The following CSMD1 variants were observed in gnomAD, a reference collection of about 807,000 sequenced individuals.
CSMD1 encodes CUB and Sushi multiple domains 1.
In CSMD1, 213 loss-of-function variants were observed where a neutral mutation model predicts 417.5. The observed-to-expected ratio is 0.51, with a 90% CI of 0.46 to 0.57. The LOEUF is 0.57. Ranked by LOEUF, CSMD1 falls within the 20% of genes least tolerant of loss-of-function variation. CSMD1 has a pLI of 0.00. For missense variants in CSMD1, 6,923 were observed against 4,529.7 expected, an observed-to-expected ratio of 1.53 and a Z score of -15.17; for synonymous variants, 2,862 against 1,736.8, an observed-to-expected ratio of 1.65 and a Z score of -16.11.
intron 1 of CSMD1, among the ~76,000 whole-genome samples, chr8:4,726,534 C>T (rs1809462257): frequency 6.6e-6 from 1 of 152,096 alleles, no homozygotes; most frequent in Non-Finnish European, 1.5e-5. Context: ...AGAATACAAG[C>T]AGTGCTAACC....
chr8:3,952,855 A>G (rs1811681366), intron 5 of CSMD1, among the ~76,000 whole-genome samples: 1 of 152,230 alleles, frequency 6.6e-6, no homozygotes, highest in African/African-American at 2.4e-5. Context: ...ATGCAGTGAA[A>G]ATAAGAGCAA....
At chr8:4,377,475 A>C (rs74882915) in intron 3 of CSMD1, among the ~76,000 whole-genome samples, 141 of 152,292 alleles carry the variant, frequency 9.3e-4, no homozygotes, top group Middle Eastern at 6.8e-3. Flanking sequence ...CTAACAAGTC[A>C]ATTTGACTAT....
chr8:3,953,680 G>C (rs1257211299), intron 5 of CSMD1, among the ~76,000 whole-genome samples: 1 of 152,096 alleles, frequency 6.6e-6, no homozygotes, highest in East Asian at 1.9e-4. Context: ...GGGAAGTGAT[G>C]GCGGGGAGGG....
chr8:3,167,537 T>C (rs1280399041), intron 37 of CSMD1, among the ~76,000 whole-genome samples: 2 of 152,232 alleles, frequency 1.3e-5, no homozygotes, highest in Non-Finnish European at 2.9e-5. Flanking sequence ...TAGTGTTTTA[T>C]ACAATATTAT....
intron 3 of CSMD1, among the ~76,000 whole-genome samples, chr8:4,270,689 C>T (rs760737724): frequency 6.6e-6 from 1 of 152,152 alleles, no homozygotes; most frequent in Non-Finnish European, 1.5e-5. Flanking sequence ...TCTACTAAAA[C>T]CGTCTGATCC....
chr8:3,082,213 G>C (rs1037838), intron 49 of CSMD1, among the ~76,000 whole-genome samples: 51,746 of 152,016 alleles, frequency 0.34, 8,961 homozygotes, highest in East Asian at 0.38. Context: ...TTCCAGACAG[G>C]ATGCGTGCCA....
At chr8:4,627,847 C>A (rs17070883) in intron 2 of CSMD1, among the ~76,000 whole-genome samples, 9,245 of 152,130 alleles carry the variant, frequency 0.061, 486 homozygotes, top group East Asian at 0.17. Flanking sequence ...TGCTATAAAT[C>A]AAAGGTTTTC....
At chr8:4,361,670 G>A (rs545989500) in intron 3 of CSMD1, among the ~76,000 whole-genome samples, 1 of 152,236 alleles carries the variant, frequency 6.6e-6, no homozygotes, top group South Asian at 2.1e-4. Flanking sequence ...CCTATCAGCA[G>A]CCAGGTGCGA....
At chr8:4,632,962 C>A (rs1225673700) in intron 2 of CSMD1, among the ~76,000 whole-genome samples, 1 of 152,120 alleles carries the variant, frequency 6.6e-6, no homozygotes, top group African/African-American at 2.4e-5. Context: ...ACGGGAGGGA[C>A]TGAAGGACAG....
intron 5 of CSMD1, among the ~76,000 whole-genome samples, chr8:3,986,413 A>C (rs1007380033): frequency 6.6e-6 from 1 of 152,134 alleles, no homozygotes; most frequent in African/African-American, 2.4e-5. Flanking sequence ...TCACTGTTGA[A>C]TACGTTTCCA....
intron 1 of CSMD1, among the ~76,000 whole-genome samples, chr8:4,902,009 G>A (rs528061113): frequency 1.3e-5 from 2 of 152,274 alleles, no homozygotes; most frequent in African/African-American, 4.8e-5. Context: ...AGGCTGTAAG[G>A]AAATGCAGCT....
intron 5 of CSMD1, among the ~76,000 whole-genome samples, chr8:3,971,095 A>G (rs1249329830): frequency 6.6e-6 from 1 of 152,184 alleles, no homozygotes; most frequent in Non-Finnish European, 1.5e-5. Flanking sequence ...GTCTGATGAC[A>G]TAGAACCATG....
chr8:3,093,668 CA>C (rs35321462), intron 47 of CSMD1, among the ~76,000 whole-genome samples: 2,036 of 138,372 alleles, frequency 0.015, 19 homozygotes, highest in Middle Eastern at 0.036. Flanking sequence ...AATTCTGTCT[CA>C]AAAAAAAAAA....
At chr8:4,572,157 TCA>T in intron 2 of CSMD1, among the ~76,000 whole-genome samples, 1 of 152,358 alleles carries the variant, frequency 6.6e-6, no homozygotes, top group South Asian at 2.1e-4. Flanking sequence ...GAACCTGTCA[TCA>T]TGGTGCTATC....
chr8:4,883,157 G>A (rs1348008436), intron 1 of CSMD1, among the ~76,000 whole-genome samples: 3 of 151,996 alleles, frequency 2.0e-5, no homozygotes, highest in Non-Finnish European at 2.9e-5. Flanking sequence ...ATGGGGCATC[G>A]TCATTTTCTC....
intron 1 of CSMD1, among the ~76,000 whole-genome samples, chr8:4,679,276 A>C (rs1805891241): frequency 1.3e-5 from 2 of 152,192 alleles, no homozygotes; most frequent in Admixed American, 6.6e-5. Context: ...CCGAGAAGGT[A>C]GCTTGACCTT....
intron 5 of CSMD1, among the ~76,000 whole-genome samples, chr8:3,796,272 T>TATATCTATCATGTATAGATATAG (rs1554440613): frequency 0.034 from 1,089 of 31,876 alleles, 334 homozygotes; most frequent in African/African-American, 0.1. Flanking sequence ...GATATAGATA[T>TATATCTATCATGTATAGATATAG]ATATCTATCA....
intron 5 of CSMD1, among the ~76,000 whole-genome samples, chr8:3,767,886 G>T (rs2720776): frequency 0.46 from 69,393 of 151,952 alleles, 16,672 homozygotes; most frequent in African/African-American, 0.61. Flanking sequence ...ATATATCATG[G>T]TAAAAAGTTA....
intron 3 of CSMD1, among the ~76,000 whole-genome samples, chr8:4,111,083 C>G (rs1047120590): frequency 2.6e-5 from 4 of 152,134 alleles, no homozygotes; most frequent in Admixed American, 6.5e-5. Flanking sequence ...TGGTAGAAAT[C>G]TAGTATCTTT....
Sources: allele counts gnomAD v4.1 joint callset (sites outside exome capture counted in the v4.1 genomes callset), GRCh38; gene constraint gnomAD v4.1.1; transcripts MANE v1.5; gene names NCBI Gene and HGNC (gene_info 2026-07-23, HGNC 2026-07-21).